The following TRAF3 variants were observed in gnomAD, a reference collection of about 807,000 sequenced individuals.
TRAF3 encodes the protein TNF receptor-associated factor 3.
A neutral mutation model predicts 62.3 loss-of-function variants in TRAF3; 13 were observed. The ratio of observed to expected loss-of-function variants is 0.21; its 90% CI spans 0.14 to 0.33. TRAF3 has a LOEUF of 0.33. Among genes scored for constraint, TRAF3 ranks in the 10% least tolerant of loss-of-function variants. The pLI is 1.00. For synonymous variants in TRAF3, 269 were observed against 283.4 expected (o/e 0.95, Z 0.51); for missense variants, 440 against 741.8 (o/e 0.59, Z 4.73).
intron 1 of TRAF3, among the ~76,000 whole-genome samples, chr14:102,820,615 T>TATATATATCTA (rs1276138493): frequency 6.3e-5 from 1 of 15,844 alleles, no homozygotes; most frequent in Admixed American, 1.5e-3. Context: ...TATATATATA[T>TATATATATCTA]TTTTTTTTTT....
chr14:102,797,739 CTT>C (rs35788620), intron 1 of TRAF3, among the ~76,000 whole-genome samples: 11 of 142,204 alleles, frequency 7.7e-5, no homozygotes, highest in Admixed American at 1.4e-4. Context: ...CTTTTTCTTT[CTT>C]TTTTTTTTTT....
chr14:102,905,490 G>T lies in TRAF3; in HGVS notation c.1413G>T (p.Leu471Phe), dbSNP rs934114383. ...NGDGMGKGTH[L>F]SLFFVIMRGE... is the part of the protein sequence containing the mutation. ...ACGGGATGGGGAAGGGGACGCACTT[G>T]TCGCTGTTTTTTGTCATCATGCGTG... Residue 471 changes from leucine to phenylalanine, a missense_variant, in exon 12 of 12, where the codon TTG becomes TTT. Coordinates refer to ENST00000392745, the MANE Select transcript of TRAF3 (RefSeq NM_145725.3). 2.5e-6 allele frequency: 4 copies of T among 1,614,232 alleles called. No individual in the cohort carries two copies. The highest frequency in any genetic ancestry group is 3.4e-6 in the Non-Finnish European group (4 of 1,180,050).
chr14:102,786,417 G>A (rs908998740), intron 1 of TRAF3, among the ~76,000 whole-genome samples: 1 of 152,236 alleles, frequency 6.6e-6, no homozygotes, highest in Non-Finnish European at 1.5e-5. Flanking sequence ...GCTGGGTGCG[G>A]AGGTTCATGC....
intron 2 of TRAF3, among the ~76,000 whole-genome samples, chr14:102,854,801 GTTTTT>G (rs35634271): frequency 8.0e-4 from 109 of 136,872 alleles, no homozygotes; most frequent in African/African-American, 2.8e-3. Flanking sequence ...GCACCTGGCT[GTTTTT>G]TTTTTTTTTT....
intron 2 of TRAF3, among the ~76,000 whole-genome samples, chr14:102,838,692 G>T (rs1224019159): frequency 6.6e-6 from 1 of 152,190 alleles, no homozygotes; most frequent in Non-Finnish European, 1.5e-5. Flanking sequence ...AGCAGAGTTT[G>T]CAAGTCCACT....
intron 1 of TRAF3, among the ~76,000 whole-genome samples, chr14:102,819,733 A>G (rs1040248364): frequency 2.6e-5 from 4 of 152,220 alleles, no homozygotes; most frequent in Non-Finnish European, 5.9e-5. Context: ...TAGTGAAAGT[A>G]CCGTATAGTA....
At chr14:102,838,976 C>CA (rs1476615486) in intron 2 of TRAF3, among the ~76,000 whole-genome samples, 1 of 152,080 alleles carries the variant, frequency 6.6e-6, no homozygotes, top group Non-Finnish European at 1.5e-5. Flanking sequence ...CTTTTGAAAA[C>CA]ATTTTCCTGC....
chr14:102,811,127 C>T (rs933452728), intron 1 of TRAF3, among the ~76,000 whole-genome samples: 5 of 152,140 alleles, frequency 3.3e-5, no homozygotes, highest in South Asian at 2.1e-4. Flanking sequence ...TCTTGTAGGA[C>T]GCCAGTCCCA....
intron 8 of TRAF3, among the ~76,000 whole-genome samples, chr14:102,890,438 T>C (rs1232186396): frequency 1.3e-5 from 2 of 152,234 alleles, no homozygotes; most frequent in Non-Finnish European, 2.9e-5. Flanking sequence ...TAAGAATGAC[T>C]GTGCCTTCCT....
intron 2 of TRAF3, among the ~76,000 whole-genome samples, chr14:102,850,720 C>T (rs913923942): frequency 7.0e-6 from 1 of 143,372 alleles, no homozygotes; most frequent in African/African-American, 2.7e-5. Flanking sequence ...AAAGTTACAG[C>T]GCTCAGAGTG....
At chr14:102,835,722 A>G (rs1885959251) in intron 2 of TRAF3, among the ~76,000 whole-genome samples, 1 of 151,968 alleles carries the variant, frequency 6.6e-6, no homozygotes, top group African/African-American at 2.4e-5. Flanking sequence ...ATGGACACAA[A>G]GAAGGGAACA....
chr14:102,842,437 A>G (rs925808322), intron 2 of TRAF3, among the ~76,000 whole-genome samples: 8 of 151,978 alleles, frequency 5.3e-5, no homozygotes, highest in African/African-American at 1.7e-4. Context: ...GAAGCTTTCC[A>G]AAGCACAGCA....
At chr14:102,851,705 C>G (rs1378223860) in intron 2 of TRAF3, among the ~76,000 whole-genome samples, 1 of 152,166 alleles carries the variant, frequency 6.6e-6, no homozygotes, top group Non-Finnish European at 1.5e-5. Context: ...GATGGCGCCA[C>G]TGCACTCCAG....
intron 1 of TRAF3, among the ~76,000 whole-genome samples, chr14:102,791,293 A>G (rs1897781492): frequency 6.6e-6 from 1 of 152,104 alleles, no homozygotes; most frequent in African/African-American, 2.4e-5. Context: ...TGCTGGGATT[A>G]CAGGTATGAG....
Position 102,825,157 on chromosome 14 carries a change from G to A in TRAF3, c.-156-5177G>A, listed in dbSNP as rs145946739. 2.5e-3 allele frequency among the ~76,000 whole-genome samples: 380 copies of A among 152,308 alleles called. 7 individuals are homozygous for A. Among genetic ancestry groups the A allele is most frequent in the Non-Finnish European group, 4.4e-4 (30 of 68,026 alleles). On this transcript the variant is annotated intron_variant, in intron 1 of 11. Transcript: ENST00000392745. Reference sequence around the variant, plus strand: ...TGTGAGGACACCGGGCCGTGCCTTCGCCAGGAGGAGGTCATGCCAAGTCCA... The same window carrying A: ...TGTGAGGACACCGGGCCGTGCCTTCACCAGGAGGAGGTCATGCCAAGTCCA...
chr14:102,860,844 G>A (rs1887638232), intron 2 of TRAF3, among the ~76,000 whole-genome samples: 1 of 152,234 alleles, frequency 6.6e-6, no homozygotes, highest in Admixed American at 6.5e-5. Context: ...AACTGCTCAA[G>A]ATAATTTGTA....
Position 102,910,301 on chromosome 14 carries a change from A to C in TRAF3, c.*4517A>C, listed in dbSNP as rs188439936. 167 of 152,368 alleles carry C rather than the reference A, an allele frequency of 1.1e-3. No individual in the cohort carries two copies. Among genetic ancestry groups the C allele is most frequent in the African/African-American group, 3.2e-3 (132 of 41,586 alleles). 9.4% of individuals were successfully genotyped at this position (152,368 alleles called of 1,614,324 possible). ...TCTTTACTTATTAGACTGCAGAAGG[A>C]GAGCTAGGGAGAGTGGGGGAAGCCC... is the stretch of plus-strand genomic sequence containing the variant. On this transcript the variant is annotated 3_prime_UTR_variant, in exon 12 of 12. Transcript: ENST00000392745.
At chr14:102,860,938 T>C (rs959909844) in intron 2 of TRAF3, among the ~76,000 whole-genome samples, 1 of 152,212 alleles carries the variant, frequency 6.6e-6, no homozygotes, top group Non-Finnish European at 1.5e-5. Context: ...AAGGTCAAGC[T>C]CTCAGGGACA....
intron 9 of TRAF3, among the ~76,000 whole-genome samples, chr14:102,891,745 C>T (rs1889728130): frequency 6.6e-6 from 1 of 151,940 alleles, no homozygotes; most frequent in South Asian, 2.1e-4. Flanking sequence ...TGGAAGACAG[C>T]CATCCTTACT....
Sources: gnomAD v4.1 joint callset for allele counts (sites outside exome capture counted in the v4.1 genomes callset) on GRCh38, gnomAD v4.1.1 for gene constraint, MANE v1.5 for transcripts, NCBI Gene and HGNC (gene_info 2026-07-23, HGNC 2026-07-21) for gene names.